Variants in LRRIQ3 observed in about 807,000 individuals in gnomAD.
LRRIQ3 encodes the protein leucine-rich repeat and IQ domain-containing protein 3.
In LRRIQ3, 75 loss-of-function variants were observed where a neutral mutation model predicts 59.3. The observed-to-expected ratio is 1.26, with a 90% confidence interval of 1.05 to 1.53. LRRIQ3 has a LOEUF of 1.53. LRRIQ3 is among the 40% of genes most tolerant of loss of function. LRRIQ3 has a pLI of 0.00. For synonymous variants in LRRIQ3, 250 were observed against 231.3 expected, an observed-to-expected ratio of 1.08 and a Z score of -0.73; for missense variants, 831 against 710.0, an observed-to-expected ratio of 1.17 and a Z score of -1.94.
At chr1:74,169,088 C>T (rs1297029993) in intron 3 of LRRIQ3, among the ~76,000 whole-genome samples, 1 of 152,084 alleles carries the variant, frequency 6.6e-6, no homozygotes, top group Admixed American at 6.6e-5. Context: ...CGGTGTCCTC[C>T]CTATCCCCTG....
chr1:74,039,838 A>C (rs1485500342), intron 7 of LRRIQ3, among the ~76,000 whole-genome samples: 2 of 152,188 alleles, frequency 1.3e-5, no homozygotes, highest in South Asian at 4.1e-4. Flanking sequence ...AAACACACCA[A>C]AATATAATGA....
At chr1:74,160,043 C>T (rs941983116) in intron 3 of LRRIQ3, among the ~76,000 whole-genome samples, 4 of 152,010 alleles carry the variant, frequency 2.6e-5, no homozygotes, top group African/African-American at 9.7e-5. Context: ...TCCAAAATTA[C>T]AGAATACAGG....
At chr1:74,122,326 G>A (rs1295892605) in intron 4 of LRRIQ3, among the ~76,000 whole-genome samples, 1 of 152,076 alleles carries the variant, frequency 6.6e-6, no homozygotes, top group Non-Finnish European at 1.5e-5. Flanking sequence ...TTTCTCTGAT[G>A]GCCAGTGATG....
rs566882857 is a variant in LRRIQ3 at position 74,119,503 on chromosome 1, T to A, written c.708-9950A>T. Among the ~76,000 whole-genome samples, 4 of 152,258 alleles carry A rather than the reference T, an allele frequency of 2.6e-5. No homozygotes were observed. In the East Asian group the frequency reaches 7.7e-4, roughly 29 times the overall value. ...TAAATACATTTTCTCCATATATAGG[T>A]CACTTACAGTCTCCCCCACAACAAC... On this transcript the variant is annotated intron_variant, in intron 4 of 7. Transcript: ENST00000354431.
At chr1:74,165,979 A>C (rs1648960042) in intron 3 of LRRIQ3, among the ~76,000 whole-genome samples, 2 of 151,538 alleles carry the variant, frequency 1.3e-5, no homozygotes. Flanking sequence ...ATTTTTAAAG[A>C]TTTCTATGCT....
intron 4 of LRRIQ3, among the ~76,000 whole-genome samples, chr1:74,119,574 A>G (rs943915755): frequency 6.6e-6 from 1 of 152,172 alleles, no homozygotes; most frequent in Admixed American, 6.6e-5. Flanking sequence ...TCCTATATGT[A>G]ATGTTTTAAC....
chr1:74,029,608 T>C (rs1365966631), intron 7 of LRRIQ3, among the ~76,000 whole-genome samples: 1 of 152,142 alleles, frequency 6.6e-6, no homozygotes, highest in Admixed American at 6.6e-5. Context: ...GCCAGTATTT[T>C]ATTGAGGATT....
intron 5 of LRRIQ3, among the ~76,000 whole-genome samples, chr1:74,108,460 A>G (rs1646643493): frequency 1.3e-5 from 2 of 151,884 alleles, no homozygotes; most frequent in South Asian, 4.1e-4. Flanking sequence ...TAACTTTCAC[A>G]CGATTTAAGG....
At chr1:74,068,744 T>C (rs1410368517) in intron 6 of LRRIQ3, among the ~76,000 whole-genome samples, 3 of 152,060 alleles carry the variant, frequency 2.0e-5, no homozygotes, top group African/African-American at 7.2e-5. Context: ...TATGCCTTAA[T>C]TGCTCATCTG....
chr1:74,177,378 C>T (rs2100713274), intron 3 of LRRIQ3, among the ~76,000 whole-genome samples: 1 of 152,214 alleles, frequency 6.6e-6, no homozygotes, highest in Non-Finnish European at 1.5e-5. Context: ...TTGCAGACAG[C>T]CTATTGTGGG....
chr1:74,152,446 A>G (rs1570219617), intron 4 of LRRIQ3, among the ~76,000 whole-genome samples: 1 of 152,132 alleles, frequency 6.6e-6, no homozygotes, highest in Admixed American at 6.5e-5. Flanking sequence ...GAATTGTATT[A>G]AATACATTGT....
chr1:74,186,011 A>G (rs1371366075), intron 1 of LRRIQ3, among the ~76,000 whole-genome samples: 3 of 151,066 alleles, frequency 2.0e-5, no homozygotes, highest in African/African-American at 7.3e-5. Flanking sequence ...ACTGTTAATC[A>G]TGGCATTAGT....
At chr1:74,094,370 T>C (rs1646426852) in intron 5 of LRRIQ3, among the ~76,000 whole-genome samples, 1 of 151,958 alleles carries the variant, frequency 6.6e-6, no homozygotes, top group Admixed American at 6.6e-5. Context: ...TAGGGGTCTT[T>C]GTAAGAGGGA....
rs180984280 is a variant in LRRIQ3 at position 74,123,254 on chromosome 1, A to T, written c.708-13701T>A. ...AATGCATAACAATGTCATCAGGATTAATGGGGTATCCATCACCTCAAGCAT... is the reference window on the plus strand; with the variant it reads ...AATGCATAACAATGTCATCAGGATTTATGGGGTATCCATCACCTCAAGCAT... On this transcript the variant is annotated intron_variant, in intron 4 of 7. Coordinates refer to ENST00000354431, the MANE Select transcript of LRRIQ3 (RefSeq NM_001105659.2). 1.2e-4 allele frequency among the ~76,000 whole-genome samples: 18 copies of T among 152,180 alleles called. No individual in the cohort carries two copies. The East Asian group carries it at 3.3e-3, about 28-fold the overall frequency.
In LRRIQ3 at chr1:74,060,221, G is replaced by GTTCTTC. The variant is rs773201991; in HGVS notation, c.997+14434_997+14439dup. Among the ~76,000 whole-genome samples the GTTCTTC allele has an allele frequency of 3.8e-3, 204 of 53,626 alleles. 1 individual carries two copies. The highest frequency in any genetic ancestry group is 7.7e-3 in the African/African-American group (199 of 25,712). 35.2% of individuals were successfully genotyped at this position (53,626 alleles called of 152,430 possible). A position where few individuals can be genotyped will look rare whatever the true frequency, so the allele number is the denominator to read the frequency against. On this transcript the variant is annotated intron_variant, in intron 6 of 7. Coordinates refer to ENST00000354431, the MANE Select transcript of LRRIQ3 (RefSeq NM_001105659.2). ...TCTTCTTCTTCTTCTTCTTCTTCTT[G>GTTCTTC]TTCTTCTTCTTCTTCTTCTTCTTCT... is the stretch of plus-strand genomic sequence containing the variant.
At chr1:74,105,439 A>G (rs1369728714) in intron 5 of LRRIQ3, among the ~76,000 whole-genome samples, 1 of 151,762 alleles carries the variant, frequency 6.6e-6, no homozygotes, top group African/African-American at 2.4e-5. Flanking sequence ...TTTAGTAGAG[A>G]TGGGGGTCTC....
chr1:74,027,963 TA>T (rs946197151), intron 7 of LRRIQ3, among the ~76,000 whole-genome samples: 3 of 151,774 alleles, frequency 2.0e-5, no homozygotes, highest in Admixed American at 1.3e-4. Flanking sequence ...GAGGGGAAGA[TA>T]AAAAAAAGTT....
intron 5 of LRRIQ3, among the ~76,000 whole-genome samples, chr1:74,086,974 T>G (rs990446549): frequency 1.3e-5 from 2 of 152,134 alleles, no homozygotes; most frequent in Non-Finnish European, 2.9e-5. Context: ...TGTAAGAACT[T>G]ACTCTTTACT....
intron 4 of LRRIQ3, among the ~76,000 whole-genome samples, chr1:74,115,957 T>G (rs984631155): frequency 5.9e-5 from 9 of 151,968 alleles, no homozygotes; most frequent in Non-Finnish European, 8.8e-5. Context: ...AAATGCATAA[T>G]GTAAAATAGA....
Sources: allele counts gnomAD v4.1 joint callset (sites outside exome capture counted in the v4.1 genomes callset), GRCh38; gene constraint gnomAD v4.1.1; transcripts MANE v1.5; gene names NCBI Gene and HGNC (gene_info 2026-07-23, HGNC 2026-07-21).